Variants in CLSTN2 observed in about 807,000 individuals in gnomAD.
CLSTN2 encodes the protein calsyntenin 2, also known as calsyntenin-2.
In CLSTN2, 48 loss-of-function variants were observed where a neutral mutation model predicts 101.2. The ratio of observed to expected loss-of-function variants is 0.47; its 90% CI spans 0.38 to 0.60. The LOEUF (loss-of-function observed/expected upper bound fraction) is 0.60. Ranked by LOEUF, CLSTN2 falls within the 20% of genes least tolerant of loss-of-function variation. The pLI is 0.00. For synonymous variants in CLSTN2, 481 were observed against 463.6 expected, an observed-to-expected ratio of 1.04 and a Z score of -0.48; for missense variants, 1,160 against 1,238.2, an observed-to-expected ratio of 0.94 and a Z score of 0.95.
intron 2 of CLSTN2, among the ~76,000 whole-genome samples, chr3:140,237,841 CA>C (rs2086430268): frequency 6.6e-6 from 1 of 152,030 alleles, no homozygotes; most frequent in Non-Finnish European, 1.5e-5. Flanking sequence ...ATTTATTTTA[CA>C]AATGGTGAAA....
intron 3 of CLSTN2, 82 bp from the exon 4 acceptor site, chr3:140,404,476 C>T: frequency 1.5e-6 from 2 of 1,309,728 alleles, no homozygotes; most frequent in Non-Finnish European, 2.2e-6. Context: ...CTTGGGACCT[C>T]AGTCAGTGCC....
chr3:140,422,544 G>T (rs1450990557), intron 5 of CLSTN2, among the ~76,000 whole-genome samples: 1 of 152,172 alleles, frequency 6.6e-6, no homozygotes, highest in Non-Finnish European at 1.5e-5. Context: ...CCCACCTCTG[G>T]AGAGAGCCAG....
intron 1 of CLSTN2, among the ~76,000 whole-genome samples, chr3:140,078,658 T>C (rs1183851025): frequency 6.6e-6 from 1 of 152,156 alleles, no homozygotes; most frequent in Non-Finnish European, 1.5e-5. Flanking sequence ...ATGGTAAGCT[T>C]TCCCACTGCT....
intron 1 of CLSTN2, among the ~76,000 whole-genome samples, chr3:140,159,985 C>T (rs1219293886): frequency 6.6e-6 from 1 of 151,842 alleles, no homozygotes; most frequent in Non-Finnish European, 1.5e-5. Flanking sequence ...AAGACAGAAA[C>T]AATAGATACT....
chr3:140,019,374 G>A (rs1229539162), intron 1 of CLSTN2, among the ~76,000 whole-genome samples: 1 of 152,140 alleles, frequency 6.6e-6, no homozygotes, highest in African/African-American at 2.4e-5. Flanking sequence ...CCTCCCCTGG[G>A]TAAGAAGGAC....
intron 1 of CLSTN2, among the ~76,000 whole-genome samples, chr3:140,118,161 T>A (rs1006556807): frequency 1.5e-4 from 23 of 151,480 alleles, no homozygotes; most frequent in Non-Finnish European, 3.1e-4. Flanking sequence ...CAAACAGCCA[T>A]CTGCAAGCCA....
intron 1 of CLSTN2, among the ~76,000 whole-genome samples, chr3:140,160,553 A>C (rs2107819599): frequency 6.6e-6 from 1 of 152,158 alleles, no homozygotes; most frequent in East Asian, 1.9e-4. Flanking sequence ...TTCTCATTCC[A>C]TGCTGGACTG....
intron 1 of CLSTN2, among the ~76,000 whole-genome samples, chr3:139,978,648 TTGTGTGTGTGTGTGTGTGTG>T (rs552137591): frequency 7.4e-4 from 101 of 135,604 alleles, no homozygotes; most frequent in African/African-American, 1.2e-3. Context: ...GGATGGGGGA[TTGTGTGTGTGTGTGTGTGTG>T]TGTGTGTGTG....
intron 1 of CLSTN2, among the ~76,000 whole-genome samples, chr3:140,025,028 T>G (rs2007389711): frequency 6.6e-6 from 1 of 152,170 alleles, no homozygotes; most frequent in African/African-American, 2.4e-5. Flanking sequence ...GTCCTTCCAT[T>G]TTGCAGATGA....
chr3:140,294,276 C>T (rs933200571), intron 2 of CLSTN2, among the ~76,000 whole-genome samples: 1 of 152,196 alleles, frequency 6.6e-6, no homozygotes, highest in Non-Finnish European at 1.5e-5. Flanking sequence ...GAAATTGTAA[C>T]AGTCATGGGC....
chr3:140,290,834 T>A (rs1268436095), intron 2 of CLSTN2, among the ~76,000 whole-genome samples: 1 of 152,148 alleles, frequency 6.6e-6, no homozygotes, highest in Non-Finnish European at 1.5e-5. Context: ...AGACAACAGC[T>A]CCTTTACCAT....
At chr3:139,990,578 C>G (rs937780572) in intron 1 of CLSTN2, among the ~76,000 whole-genome samples, 1 of 152,176 alleles carries the variant, frequency 6.6e-6, no homozygotes, top group African/African-American at 2.4e-5. Flanking sequence ...TAACTTTTTA[C>G]TGAAAGTCCC....
At chr3:140,155,108 C>T (rs968421286) in intron 1 of CLSTN2, among the ~76,000 whole-genome samples, 10 of 152,036 alleles carry the variant, frequency 6.6e-5, no homozygotes, top group Non-Finnish European at 1.2e-4. Context: ...ACGGAAATTG[C>T]CAGGACCTGC....
intron 1 of CLSTN2, among the ~76,000 whole-genome samples, chr3:139,970,190 G>A (rs895521114): frequency 6.6e-6 from 1 of 152,150 alleles, no homozygotes; most frequent in Non-Finnish European, 1.5e-5. Flanking sequence ...AGATGACTCT[G>A]AGGAGGAGCA....
At chr3:140,388,020 A>G (rs1202042580) in intron 2 of CLSTN2, among the ~76,000 whole-genome samples, 1 of 152,252 alleles carries the variant, frequency 6.6e-6, no homozygotes, top group Non-Finnish European at 1.5e-5. Context: ...ACTCTTTCAT[A>G]TCGACAAGCA....
intron 8 of CLSTN2, chr3:140,507,572 C>G (rs773209448): frequency 6.6e-6 from 1 of 152,198 alleles, no homozygotes; most frequent in African/African-American, 2.4e-5. Flanking sequence ...GCTGCCTTTG[C>G]TTGTTCTGTC....
At chr3:140,497,047 G>A (rs543167245) in intron 8 of CLSTN2, among the ~76,000 whole-genome samples, 1 of 150,226 alleles carries the variant, frequency 6.7e-6, no homozygotes, top group African/African-American at 2.5e-5. Flanking sequence ...ATTGCAGTAA[G>A]CCGAGATTGC....
intron 4 of CLSTN2, among the ~76,000 whole-genome samples, chr3:140,410,642 T>TAAATATTCAAATTCA (rs1338685718): frequency 3.2e-4 from 48 of 152,224 alleles, no homozygotes; most frequent in Non-Finnish European, 3.4e-4. Context: ...TAAAAATCAG[T>TAAATATTCAAATTCA]AAATATTCAA....
intron 5 of CLSTN2, among the ~76,000 whole-genome samples, chr3:140,439,753 G>GCA (rs10607498): frequency 1.5e-4 from 22 of 151,440 alleles, no homozygotes; most frequent in Middle Eastern, 3.4e-3. Flanking sequence ...GCACACACAC[G>GCA]CACACACACA....
Sources: allele counts gnomAD v4.1 joint callset (sites outside exome capture counted in the v4.1 genomes callset), GRCh38; gene constraint gnomAD v4.1.1; transcripts MANE v1.5; gene names NCBI Gene and HGNC (gene_info 2026-07-23, HGNC 2026-07-21).